The following ZFHX3 variants were observed in gnomAD, a reference collection of about 807,000 sequenced individuals.
The protein encoded by ZFHX3 is zinc finger homeobox protein 3.
ZFHX3 carries 42 observed loss-of-function variants against 279.1 expected under a neutral mutation model. That is an observed-to-expected ratio of 0.15 (90% CI 0.12 to 0.19). The LOEUF (loss-of-function observed/expected upper bound fraction) is 0.19. Among genes scored for constraint, ZFHX3 ranks in the 10% least tolerant of loss-of-function variants. ZFHX3 has a pLI of 1.00. For synonymous variants in ZFHX3, 2,293 were observed against 1,957.8 expected (o/e 1.17, Z -4.52); for missense variants, 4,981 against 4,754.0 (o/e 1.05, Z -1.40).
At chr16:73,467,655 T>G (rs2018595964) in intron 2 of ZFHX3, among the ~76,000 whole-genome samples, 1 of 152,096 alleles carries the variant, frequency 6.6e-6, no homozygotes, top group Non-Finnish European at 1.5e-5. Context: ...CACTGAAAAG[T>G]TTTATTTTGT....
At chr16:73,283,622 T>G (rs1461720774) in intron 4 of ZFHX3, among the ~76,000 whole-genome samples, 1 of 152,250 alleles carries the variant, frequency 6.6e-6, no homozygotes, top group Non-Finnish European at 1.5e-5. Flanking sequence ...TGACACCTGC[T>G]GACTTAGTAC....
At chr16:73,323,722 GGGA>G (rs2015626700) in intron 3 of ZFHX3, among the ~76,000 whole-genome samples, 1 of 152,182 alleles carries the variant, frequency 6.6e-6, no homozygotes, top group Admixed American at 6.5e-5. Context: ...GTCAGGAAAA[GGGA>G]GGAGGAGAAG....
chr16:73,886,228 A>G (rs2030340548), intron 1 of ZFHX3, among the ~76,000 whole-genome samples: 1 of 152,186 alleles, frequency 6.6e-6, no homozygotes, highest in Non-Finnish European at 1.5e-5. Flanking sequence ...GCATTTCTAA[A>G]GCATTTACTA....
At chr16:73,011,046 A>G (rs554387332) in intron 1 of ZFHX3, among the ~76,000 whole-genome samples, 1 of 151,988 alleles carries the variant, frequency 6.6e-6, no homozygotes, top group African/African-American at 2.4e-5. Flanking sequence ...CAGTGGCGTG[A>G]TCTTGGCTCA....
intron 2 of ZFHX3, among the ~76,000 whole-genome samples, chr16:73,550,089 G>T (rs2020181022): frequency 6.6e-6 from 1 of 152,244 alleles, no homozygotes; most frequent in Admixed American, 6.5e-5. Context: ...TTCACTTGTT[G>T]TCAGAGGGCA....
rs368513333 is a variant in ZFHX3, at chr16:73,341,523, C to G, written c.-1290-23187G>C. On this transcript the variant is annotated intron_variant, in intron 3 of 17. Coordinates refer to the ZFHX3 transcript ENST00000641206. ...TAAAACAGTTTGATGGTTCCTCAAA[C>G]GATTACTCACAGAGTTGCCATATGA... Among the ~76,000 whole-genome samples the G allele has an allele frequency of 1.5e-4, 23 of 152,238 alleles. 1 individual carries two copies. The highest frequency in any genetic ancestry group is 1.0e-3 in the Admixed American group (16 of 15,304).
At chr16:72,969,925 T>C (rs1962026332) in intron 1 of ZFHX3, among the ~76,000 whole-genome samples, 2 of 152,222 alleles carry the variant, frequency 1.3e-5, no homozygotes, top group Non-Finnish European at 2.9e-5. Flanking sequence ...CACAGGTGCT[T>C]GAACAGGCGC....
In ZFHX3 at chr16:73,080,453, G is replaced by C. The variant is rs112128113; in HGVS notation, c.-533+12782C>G. Among the ~76,000 whole-genome samples, 530 of 152,354 alleles carry C rather than the reference G, an allele frequency of 3.5e-3. 4 individuals carry two copies. Among genetic ancestry groups the C allele is most frequent in the African/African-American group, 0.012 (504 of 41,596 alleles). On this transcript the variant is annotated intron_variant, in intron 8 of 17. Transcript: ENST00000641206. ...TAGTCTATGATATTTTGTGATAGCA[G>C]TCTGAGCTATCTAAGACACTTTAAT...
In ZFHX3 at chr16:73,127,330, C is replaced by T. The variant is rs73593177; in HGVS notation, c.-897+3638G>A. ...GGAAACAGCCTTCGCTGGTGGCAGC[C>T]GTACAGAGGAAAGCCGATAAAAAGT... is the stretch of plus-strand genomic sequence containing the variant. On this transcript the variant is annotated intron_variant, in intron 7 of 17. Coordinates refer to the ZFHX3 transcript ENST00000641206. 6.9e-3 allele frequency: 8,950 copies of T among 1,300,592 alleles called. 470 individuals carry two copies. In the African/African-American group the frequency reaches 0.12, roughly 17 times the overall value. 80.6% of individuals were successfully genotyped at this position (1,300,592 alleles called of 1,614,324 possible). A position where few individuals can be genotyped will look rare whatever the true frequency, so the allele number is the denominator to read the frequency against.
chr16:73,257,295 CACTTG>C (rs1164968093), intron 4 of ZFHX3, among the ~76,000 whole-genome samples: 1 of 152,204 alleles, frequency 6.6e-6, no homozygotes, highest in African/African-American at 2.4e-5. Flanking sequence ...GTCAATACCT[CACTTG>C]ACTTTGTGTC....
In ZFHX3 at chr16:72,958,412, C is replaced by T; in HGVS notation, c.1734G>A (p.Arg578=). ...TCCTGCCGCCCTCTGCCACATTGGC[C>T]CTGACGCCCTCACTGTTAAAGCTTA... ...NRLSFNSEGV[R]ANVAEGGRRL... Residue 578 remains arginine (R), a synonymous_variant, in exon 2 of 10, where the codon AGG becomes AGA. Transcript: ENST00000268489. 2 of 1,614,196 alleles carry T rather than the reference C, an allele frequency of 1.2e-6. No homozygotes were observed. The highest frequency in any genetic ancestry group is 1.7e-6 in the Non-Finnish European group (2 of 1,180,042).
At chr16:72,829,612 G>T in intron 5 of ZFHX3, 167 bp downstream of exon 5, 2 of 659,334 alleles carry the variant, frequency 3.0e-6, no homozygotes, top group South Asian at 4.0e-5. Context: ...AAAGGTGACT[G>T]CTCAAAGAAG....
At chr16:73,095,986 G>T (rs1054451541) in intron 7 of ZFHX3, among the ~76,000 whole-genome samples, 4 of 152,154 alleles carry the variant, frequency 2.6e-5, no homozygotes, top group African/African-American at 7.2e-5. Context: ...CTGAATAAAA[G>T]CACAGGAAAA....
intron 1 of ZFHX3, among the ~76,000 whole-genome samples, chr16:72,993,583 G>T (rs1963171701): frequency 6.6e-6 from 1 of 152,126 alleles, no homozygotes; most frequent in African/African-American, 2.4e-5. Flanking sequence ...AGGACAACAA[G>T]CGATGCCCAA....
chr16:73,224,150 G>T (rs1029424698), intron 5 of ZFHX3, among the ~76,000 whole-genome samples: 3 of 152,190 alleles, frequency 2.0e-5, no homozygotes, highest in African/African-American at 7.2e-5. Context: ...ACAACACCAA[G>T]AGTGAACCCT....
At chr16:73,265,031 T>TATATATATAA (rs906334405) in intron 4 of ZFHX3, among the ~76,000 whole-genome samples, 1 of 150,658 alleles carries the variant, frequency 6.6e-6, no homozygotes, top group Non-Finnish European at 1.5e-5. Context: ...TATATATATA[T>TATATATATAA]ATAACACCTC....
chr16:73,293,584 A>C (rs939247549), intron 4 of ZFHX3, among the ~76,000 whole-genome samples: 24 of 152,244 alleles, frequency 1.6e-4, no homozygotes, highest in Admixed American at 4.6e-4. Flanking sequence ...GGAATGAGGA[A>C]AATGAATTAA....
intron 5 of ZFHX3, among the ~76,000 whole-genome samples, chr16:73,182,110 G>A (rs1022458295): frequency 6.6e-6 from 1 of 152,194 alleles, no homozygotes; most frequent in African/African-American, 2.4e-5. Flanking sequence ...GAGCTGGGAG[G>A]AAGTTCAGGT....
intron 2 of ZFHX3, among the ~76,000 whole-genome samples, chr16:73,458,464 C>T (rs146658198): frequency 2.0e-4 from 30 of 152,080 alleles, no homozygotes; most frequent in African/African-American, 6.5e-4. Flanking sequence ...CAACCTCCGC[C>T]TCCCGGGTTC....
Sources: allele counts gnomAD v4.1 joint callset (sites outside exome capture counted in the v4.1 genomes callset), GRCh38; gene constraint gnomAD v4.1.1; transcripts MANE v1.5; gene names NCBI Gene and HGNC (gene_info 2026-07-23, HGNC 2026-07-21).